The following MOB3B variants were observed in gnomAD, a reference collection of about 807,000 sequenced individuals.
The protein encoded by MOB3B is MOB kinase activator-like 2B.
A neutral mutation model predicts 18.7 loss-of-function variants in MOB3B; 7 were observed. That is an observed-to-expected ratio of 0.37 (90% CI 0.21 to 0.70). MOB3B has a LOEUF of 0.70. Among genes scored for constraint, MOB3B ranks in the 30% least tolerant of loss-of-function variants. The probability of loss-of-function intolerance (pLI) is 0.52; values close to 1 mark genes in which losing one functional copy is unlikely to be tolerated. For synonymous variants in MOB3B, 111 were observed against 99.9 expected (o/e 1.11, Z -0.66); for missense variants, 253 against 281.3 (o/e 0.90, Z 0.72).
intron 2 of MOB3B, among the ~76,000 whole-genome samples, chr9:27,410,001 A>G (rs1213206273): frequency 6.6e-6 from 1 of 152,184 alleles, no homozygotes; most frequent in South Asian, 2.1e-4. Flanking sequence ...CTGGAAATGG[A>G]TAATATTGAT....
At position 27,327,694 on chromosome 9, in the gene MOB3B, T is replaced by C. The variant is rs1219994041; in HGVS notation, c.*2893A>G. 1 of 152,138 alleles carries C rather than the reference T, an allele frequency of 6.6e-6. No homozygotes were observed. 9.4% of individuals were successfully genotyped at this position (152,138 alleles called of 1,614,324 possible). On this transcript the variant is annotated 3_prime_UTR_variant, in exon 4 of 4. Transcript: ENST00000262244. ...TAACGTATAATTCTTGATTGGATCC[T>C]GGATTTAAAAATAAACAGCTATAAA...
chr9:27,458,594 C>T (rs1212579597), intron 1 of MOB3B, among the ~76,000 whole-genome samples: 9 of 131,044 alleles, frequency 6.9e-5, no homozygotes, highest in Non-Finnish European at 1.5e-4. Context: ...GATCATGCCA[C>T]TGCTGGAGTG....
intron 2 of MOB3B, among the ~76,000 whole-genome samples, chr9:27,370,459 T>C (rs139227588): frequency 6.8e-6 from 1 of 146,350 alleles, no homozygotes; most frequent in Non-Finnish European, 1.5e-5. Flanking sequence ...GGTGAGCCAA[T>C]ATTGTACCAT....
At chr9:27,509,144 T>G (rs1290430235) in intron 1 of MOB3B, among the ~76,000 whole-genome samples, 1 of 152,220 alleles carries the variant, frequency 6.6e-6, no homozygotes. Flanking sequence ...CAGATGCTTT[T>G]AGTTTTCTTA....
chr9:27,416,928 G>T (rs1440244959), intron 2 of MOB3B, among the ~76,000 whole-genome samples: 2 of 152,120 alleles, frequency 1.3e-5, no homozygotes, highest in Non-Finnish European at 2.9e-5. Context: ...AATAAGCAGG[G>T]GACACCTGTT....
chr9:27,418,357 C>T (rs970039494), intron 2 of MOB3B, among the ~76,000 whole-genome samples: 3 of 152,018 alleles, frequency 2.0e-5, no homozygotes, highest in Middle Eastern at 3.4e-3. Context: ...CACCCTAATA[C>T]CAAAACCAGG....
At chr9:27,460,722 G>T (rs543877197) in intron 1 of MOB3B, among the ~76,000 whole-genome samples, 17 of 152,276 alleles carry the variant, frequency 1.1e-4, no homozygotes, top group Admixed American at 1.0e-3. Context: ...TCAGCTGCCA[G>T]GATGATTCAT....
chr9:27,419,265 C>T (rs1024160128), intron 2 of MOB3B, among the ~76,000 whole-genome samples: 11 of 152,054 alleles, frequency 7.2e-5, no homozygotes, highest in African/African-American at 2.7e-4. Context: ...CAATTCCCAT[C>T]AAGATACCAC....
At chr9:27,398,867 G>T (rs1821837265) in intron 2 of MOB3B, among the ~76,000 whole-genome samples, 1 of 152,102 alleles carries the variant, frequency 6.6e-6, no homozygotes, top group African/African-American at 2.4e-5. Flanking sequence ...TATACAATTT[G>T]TCACCTTCAC....
intron 2 of MOB3B, among the ~76,000 whole-genome samples, chr9:27,392,646 G>A (rs1260520521): frequency 1.3e-5 from 2 of 152,156 alleles, no homozygotes; most frequent in African/African-American, 4.8e-5. Context: ...GCCATTTGAT[G>A]TCCTGTCCTA....
intron 2 of MOB3B, among the ~76,000 whole-genome samples, chr9:27,413,326 A>AC (rs1563862611): frequency 6.6e-6 from 1 of 151,058 alleles, no homozygotes; most frequent in East Asian, 1.9e-4. Context: ...CTGAAATGGG[A>AC]CTTTTTTTTT....
chr9:27,416,544 A>ATTTTT (rs559806304), intron 2 of MOB3B, among the ~76,000 whole-genome samples: 8,546 of 120,514 alleles, frequency 0.071, 928 homozygotes, highest in South Asian at 0.14. Context: ...TTTCTTTTTA[A>ATTTTT]TTTTTTTTTT....
intron 3 of MOB3B, 97 bp from the exon 4 acceptor site, chr9:27,330,713 T>A: frequency 6.5e-7 from 1 of 1,540,368 alleles, no homozygotes. Flanking sequence ...CTCGAGAGCC[T>A]GTAAATGAAA....
chr9:27,438,580 G>C (rs1177043773), intron 2 of MOB3B, among the ~76,000 whole-genome samples: 1 of 152,110 alleles, frequency 6.6e-6, no homozygotes, highest in African/African-American at 2.4e-5. Context: ...TGTTATAAAG[G>C]CTACAATACT....
At chr9:27,393,653 T>C (rs1821760657) in intron 2 of MOB3B, among the ~76,000 whole-genome samples, 1 of 152,156 alleles carries the variant, frequency 6.6e-6, no homozygotes, top group South Asian at 2.1e-4. Context: ...ATTCTTTGAG[T>C]GCTTACATGT....
intron 3 of MOB3B, among the ~76,000 whole-genome samples, chr9:27,356,948 T>A (rs1821197975): frequency 6.6e-6 from 1 of 151,214 alleles, no homozygotes; most frequent in African/African-American, 2.4e-5. Context: ...ATTCTTTCCA[T>A]ACTATTTGTC....
At chr9:27,403,743 T>C (rs1232842002) in intron 2 of MOB3B, among the ~76,000 whole-genome samples, 1 of 151,976 alleles carries the variant, frequency 6.6e-6, no homozygotes, top group Non-Finnish European at 1.5e-5. Context: ...CCTCCCAAAG[T>C]GCTGGGATTA....
chr9:27,497,088 G>A (rs774683487), intron 1 of MOB3B, among the ~76,000 whole-genome samples: 2 of 152,170 alleles, frequency 1.3e-5, no homozygotes, highest in African/African-American at 2.4e-5. Flanking sequence ...GACAAAAGCA[G>A]TCAAAGAATA....
Position 27,343,671 on chromosome 9 carries a change from G to A in MOB3B, c.622-13055C>T, listed in dbSNP as rs201208439. ...GTTAGGGCTCCTTCCTCACCTGTTC[G>A]TCTTTTATTATGAGGCTGGAATTTT... On this transcript the variant is annotated intron_variant, in intron 3 of 3. Transcript: ENST00000262244. 1.1e-4 allele frequency among the ~76,000 whole-genome samples: 16 copies of A among 141,200 alleles called. No homozygotes were observed. In the South Asian group the frequency reaches 2.9e-3, roughly 26 times the overall value. 92.6% of individuals were successfully genotyped at this position (141,200 alleles called of 152,430 possible). A position where few individuals can be genotyped will look rare whatever the true frequency, so the allele number is the denominator to read the frequency against.
Sources: allele counts gnomAD v4.1 joint callset (sites outside exome capture counted in the v4.1 genomes callset), GRCh38; gene constraint gnomAD v4.1.1; transcripts MANE v1.5; gene names NCBI Gene and HGNC (gene_info 2026-07-23, HGNC 2026-07-21).